Variants in IMMP2L observed in about 807,000 individuals in gnomAD.
IMMP2L encodes mitochondrial inner membrane protease subunit 2.
IMMP2L carries 18 observed loss-of-function variants against 19.3 expected under a neutral mutation model. The observed-to-expected ratio is 0.93, with a 90% CI of 0.64 to 1.38. IMMP2L has a LOEUF of 1.38. Ranked by LOEUF, IMMP2L falls within the 40% of genes most tolerant of loss-of-function variation. The probability of loss-of-function intolerance (pLI) is 0.00; values close to 1 mark genes in which losing one functional copy is unlikely to be tolerated. For synonymous variants in IMMP2L, 76 were observed against 73.0 expected (o/e 1.04, Z -0.21); for missense variants, 233 against 218.2 (o/e 1.07, Z -0.43).
intron 3 of IMMP2L, among the ~76,000 whole-genome samples, chr7:111,205,940 C>T (rs918493923): frequency 6.6e-6 from 1 of 152,172 alleles, no homozygotes; most frequent in Non-Finnish European, 1.5e-5. Flanking sequence ...GGCTGGAAGC[C>T]TTTATGCATC....
chr7:110,962,187 T>G (rs892716685), intron 4 of IMMP2L: 6 of 152,004 alleles, frequency 3.9e-5, no homozygotes, highest in Non-Finnish European at 8.8e-5. Flanking sequence ...CAATAAGTTC[T>G]CACATTATTT....
intron 3 of IMMP2L, among the ~76,000 whole-genome samples, chr7:111,065,633 A>G (rs1038090200): frequency 6.6e-6 from 1 of 152,208 alleles, no homozygotes; most frequent in African/African-American, 2.4e-5. Flanking sequence ...GCAGAAAAAC[A>G]TGAAAAGGCT....
In IMMP2L at chr7:111,277,327, AAC is replaced by A. The variant is rs138792824; in HGVS notation, c.239+209909_239+209910del. On this transcript the variant is annotated intron_variant, in intron 3 of 5. Coordinates refer to ENST00000405709, the MANE Select transcript of IMMP2L (RefSeq NM_032549.4). ...CCAAAAGACGTACAAGCAGCCAACA[AAC>A]ACACACAAAAAAATGCTCAAAATCA... Among the ~76,000 whole-genome samples, 1,480 of 152,222 alleles carry A rather than the reference AAC, an allele frequency of 9.7e-3. 38 individuals are homozygous for A. Among genetic ancestry groups the A allele is most frequent in the African/African-American group, 0.034 (1,415 of 41,540 alleles).
At chr7:110,902,706 C>T (rs1402017028) in intron 4 of IMMP2L, among the ~76,000 whole-genome samples, 1 of 38,116 alleles carries the variant, frequency 2.6e-5, no homozygotes, top group Non-Finnish European at 4.4e-5. Flanking sequence ...GGGCGGATCA[C>T]GAGGTCAGGA....
intron 5 of IMMP2L, among the ~76,000 whole-genome samples, chr7:110,845,449 A>G (rs13222191): frequency 0.34 from 51,699 of 151,942 alleles, 10,511 homozygotes; most frequent in East Asian, 0.68. Flanking sequence ...CTCCTGCCCT[A>G]TAATCTCCTG....
intron 5 of IMMP2L, among the ~76,000 whole-genome samples, chr7:110,706,379 C>T (rs187021428): frequency 6.6e-6 from 1 of 152,314 alleles, no homozygotes; most frequent in Admixed American, 6.5e-5. Context: ...GCTGGGATTA[C>T]AGGCATGAGC....
chr7:110,777,462 T>C (rs762835688), intron 5 of IMMP2L, among the ~76,000 whole-genome samples: 24 of 151,974 alleles, frequency 1.6e-4, no homozygotes, highest in Admixed American at 8.5e-4. Flanking sequence ...CCCTACAACC[T>C]AGTTTTAACC....
At chr7:110,912,382 T>C (rs1813148011) in intron 4 of IMMP2L, among the ~76,000 whole-genome samples, 1 of 152,086 alleles carries the variant, frequency 6.6e-6, no homozygotes, top group South Asian at 2.1e-4. Flanking sequence ...TTATAATACA[T>C]TCAAGCTGTG....
chr7:111,333,515 G>A lies in IMMP2L; in HGVS notation c.239+153723C>T, dbSNP rs774758961. On this transcript the variant is annotated intron_variant, in intron 3 of 5. Coordinates refer to ENST00000405709, the MANE Select transcript of IMMP2L (RefSeq NM_032549.4). ...TATGGGTTCAAGTTGACAAGGGGTC[G>A]ACTTGTGATGGTAAATATTGAGTGG... Among the ~76,000 whole-genome samples the A allele has an allele frequency of 8.7e-4, 132 of 152,102 alleles. 2 individuals are homozygous for A. The highest frequency in any genetic ancestry group is 2.6e-4 in the Non-Finnish European group (18 of 67,986).
chr7:110,910,873 C>T (rs984185912), intron 4 of IMMP2L, among the ~76,000 whole-genome samples: 13 of 151,894 alleles, frequency 8.6e-5, no homozygotes, highest in African/African-American at 2.7e-4. Flanking sequence ...GCCCAGCCAT[C>T]GGGGAAGATA....
At chr7:111,215,885 A>T (rs958175545) in intron 3 of IMMP2L, among the ~76,000 whole-genome samples, 1 of 152,124 alleles carries the variant, frequency 6.6e-6, no homozygotes. Flanking sequence ...TAGAATTTGT[A>T]TTTAATCTTC....
At chr7:111,319,437 G>A (rs1300843238) in intron 3 of IMMP2L, among the ~76,000 whole-genome samples, 3 of 151,978 alleles carry the variant, frequency 2.0e-5, no homozygotes. Flanking sequence ...TCATAGTTTA[G>A]CAGATCTAAG....
intron 5 of IMMP2L, among the ~76,000 whole-genome samples, chr7:110,713,929 G>A (rs1189673740): frequency 6.6e-6 from 1 of 152,048 alleles, no homozygotes; most frequent in African/African-American, 2.4e-5. Context: ...TCTTTCTTTT[G>A]CCTGATGGCT....
chr7:111,213,099 A>G lies in IMMP2L; in HGVS notation c.240-249534T>C, dbSNP rs214461. 0.98 allele frequency among the ~76,000 whole-genome samples: 149,485 copies of G among 152,332 alleles called. 73,377 individuals are homozygous for G. The highest frequency in any genetic ancestry group is 1 in the East Asian group (5,150 of 5,170). On this transcript the variant is annotated intron_variant, in intron 3 of 5. Transcript: ENST00000405709. The surrounding 1 kb of genome is among the most constrained non-coding windows in gnomAD (Gnocchi z 4.8). The stretch of plus-strand genomic sequence containing the variant: ...GGCGGCTCCAAACCCAGGCATTTCT[A>G]CACTCTTGGAGGCCAGGAAAGGCCC...
intron 3 of IMMP2L, among the ~76,000 whole-genome samples, chr7:111,269,912 G>A (rs945096727): frequency 6.6e-6 from 1 of 152,120 alleles, no homozygotes; most frequent in African/African-American, 2.4e-5. Context: ...TCTGATTTGA[G>A]AATACCTCTT....
chr7:111,387,223 G>A (rs1161562669), intron 3 of IMMP2L, among the ~76,000 whole-genome samples: 1 of 152,124 alleles, frequency 6.6e-6, no homozygotes, highest in Admixed American at 6.6e-5. Context: ...TTTGAGGATG[G>A]TTACAGATGC....
At chr7:111,460,666 T>A (rs1012116781) in intron 3 of IMMP2L, among the ~76,000 whole-genome samples, 7 of 152,190 alleles carry the variant, frequency 4.6e-5, no homozygotes, top group Non-Finnish European at 8.8e-5. Context: ...TTTGTCCTTA[T>A]AATTTGTTCC....
chr7:111,290,857 C>CACACACACATAT (rs1472194887), intron 3 of IMMP2L, among the ~76,000 whole-genome samples: 2 of 148,564 alleles, frequency 1.3e-5, no homozygotes, highest in African/African-American at 5.0e-5. Flanking sequence ...CACACACACA[C>CACACACACATAT]ATATATATAT....
intron 4 of IMMP2L, among the ~76,000 whole-genome samples, chr7:110,887,786 G>A (rs561751323): frequency 6.7e-6 from 1 of 149,872 alleles, no homozygotes; most frequent in Admixed American, 6.6e-5. Flanking sequence ...TCAGGAAAAC[G>A]CCTGGCCTAA....
Sources: allele counts gnomAD v4.1 joint callset (sites outside exome capture counted in the v4.1 genomes callset), GRCh38; gene constraint gnomAD v4.1.1; non-coding constraint Gnocchi (gnomAD v3.1); transcripts MANE v1.5; gene names NCBI Gene and HGNC (gene_info 2026-07-23, HGNC 2026-07-21).